KMT2C: variants seen among roughly 807,000 people sequenced by gnomAD.
KMT2C encodes lysine methyltransferase 2C, also known as histone-lysine N-methyltransferase 2C.
KMT2C carries 88 observed loss-of-function variants against 507.9 expected under a neutral mutation model. The ratio of observed to expected loss-of-function variants is 0.17; its 90% CI spans 0.15 to 0.21. The LOEUF (loss-of-function observed/expected upper bound fraction) is 0.21. Among genes scored for constraint, KMT2C ranks in the 10% least tolerant of loss-of-function variants. The pLI is 1.00. For missense variants in KMT2C, 4,954 were observed against 5,957.8 expected (o/e 0.83, Z 5.55); for synonymous variants, 2,049 against 2,080.8 (o/e 0.98, Z 0.42).
At chr7:152,183,562 G>C (rs530916816) in intron 34 of KMT2C, among the ~76,000 whole-genome samples, 5 of 152,078 alleles carry the variant, frequency 3.3e-5, no homozygotes, top group African/African-American at 7.2e-5. Context: ...AGGTGTTTGA[G>C]ATCAGCCTGA....
At chr7:152,169,040 C>A in intron 41 of KMT2C, 146 bp downstream of exon 41, 1 of 517,530 alleles carries the variant, frequency 1.9e-6, no homozygotes, top group Non-Finnish European at 3.5e-6. Context: ...AGAAGAGTTG[C>A]CTAATAGGGC....
chr7:152,299,771 T>C (rs2096550128), intron 6 of KMT2C, among the ~76,000 whole-genome samples: 1 of 151,822 alleles, frequency 6.6e-6, no homozygotes, highest in African/African-American at 2.4e-5. Context: ...AGCAGAGGTT[T>C]TAGACCATAT....
intron 33 of KMT2C, among the ~76,000 whole-genome samples, chr7:152,186,786 T>G (rs2093639937): frequency 6.6e-6 from 1 of 152,200 alleles, no homozygotes; most frequent in African/African-American, 2.4e-5. Flanking sequence ...TAATCAGAAT[T>G]TTCACAAACT....
At chr7:152,398,023 CGT>C (rs758344837) in intron 1 of KMT2C, among the ~76,000 whole-genome samples, 4 of 152,332 alleles carry the variant, frequency 2.6e-5, no homozygotes, top group South Asian at 2.1e-4. Context: ...ACATCATTCA[CGT>C]GTGTTTCAAT....
chr7:152,431,195 A>T (rs1400039584), intron 1 of KMT2C, among the ~76,000 whole-genome samples: 1 of 152,170 alleles, frequency 6.6e-6, no homozygotes, highest in Non-Finnish European at 1.5e-5. Flanking sequence ...TTAGTAACCA[A>T]TATGTAAATT....
At chr7:152,254,151 C>A (rs911222422) in intron 9 of KMT2C, among the ~76,000 whole-genome samples, 1 of 152,032 alleles carries the variant, frequency 6.6e-6, no homozygotes, top group African/African-American at 2.4e-5. Flanking sequence ...CACGGTGGCA[C>A]AGAACTGTGG....
chr7:152,252,475 G>A (rs2095577424), intron 10 of KMT2C, 71 bp downstream of exon 10: 2 of 1,237,258 alleles, frequency 1.6e-6, no homozygotes, highest in South Asian at 1.3e-5. Flanking sequence ...GAAGCTGTAA[G>A]ATGGTAGAGC....
intron 43 of KMT2C, among the ~76,000 whole-genome samples, 189 bp downstream of exon 43, chr7:152,161,928 T>A (rs574185792): frequency 1.3e-5 from 2 of 152,292 alleles, no homozygotes; most frequent in East Asian, 3.9e-4. Context: ...AAACAAATTA[T>A]TATTTAATAT....
At chr7:152,297,614 G>T (rs1465347924) in intron 6 of KMT2C, among the ~76,000 whole-genome samples, 1 of 152,104 alleles carries the variant, frequency 6.6e-6, no homozygotes, top group Non-Finnish European at 1.5e-5. Context: ...CAGTGGTGAG[G>T]AATAATTAGT....
At chr7:152,420,586 C>T (rs908475553) in intron 1 of KMT2C, among the ~76,000 whole-genome samples, 1 of 152,094 alleles carries the variant, frequency 6.6e-6, no homozygotes, top group Admixed American at 6.6e-5. Context: ...CCTGTAATCC[C>T]AGAACTTTGG....
chr7:152,303,862 C>A (rs2096593066), intron 6 of KMT2C, among the ~76,000 whole-genome samples: 1 of 152,100 alleles, frequency 6.6e-6, no homozygotes, highest in African/African-American at 2.4e-5. Context: ...GTGGTCCACG[C>A]CTATGATCTC....
intron 1 of KMT2C, among the ~76,000 whole-genome samples, chr7:152,401,163 G>A (rs933963075): frequency 1.4e-5 from 2 of 147,328 alleles, no homozygotes; most frequent in Non-Finnish European, 3.0e-5. Flanking sequence ...TCGGCTCACT[G>A]CAACCTCCGC....
At chr7:152,294,868 A>G (rs191465579) in intron 6 of KMT2C, among the ~76,000 whole-genome samples, 83 of 152,308 alleles carry the variant, frequency 5.4e-4, no homozygotes, top group Non-Finnish European at 1.0e-3. Context: ...TCTTCCTCAG[A>G]GCATTGACCA....
chr7:152,283,416 A>C (rs918688262), intron 6 of KMT2C, among the ~76,000 whole-genome samples: 5 of 152,150 alleles, frequency 3.3e-5, no homozygotes, highest in African/African-American at 1.2e-4. Context: ...GATACACTTA[A>C]ATCATGTCTT....
At chr7:152,263,488 C>G (rs1003064464) in intron 8 of KMT2C, among the ~76,000 whole-genome samples, 2 of 152,148 alleles carry the variant, frequency 1.3e-5, no homozygotes, top group Non-Finnish European at 2.9e-5. Flanking sequence ...AATCTTGGCA[C>G]AGCGAATTGA....
chr7:152,346,755 T>G (rs2097061346), intron 2 of KMT2C, among the ~76,000 whole-genome samples: 3 of 152,168 alleles, frequency 2.0e-5, no homozygotes, highest in Admixed American at 1.3e-4. Flanking sequence ...ACATAAACAG[T>G]AGATTAACAA....
chr7:152,420,236 G>GA (rs2097769525), intron 1 of KMT2C, among the ~76,000 whole-genome samples: 1 of 152,178 alleles, frequency 6.6e-6, no homozygotes, highest in South Asian at 2.1e-4. Flanking sequence ...AATGTACTTT[G>GA]AAAGGAAGAG....
intron 31 of KMT2C, among the ~76,000 whole-genome samples, chr7:152,188,914 A>T (rs1388928293): frequency 6.6e-6 from 1 of 152,088 alleles, no homozygotes; most frequent in Non-Finnish European, 1.5e-5. Context: ...CACCCCACCT[A>T]TGATTCTTAA....
At chr7:152,158,125 G>T (rs898030019) in intron 44 of KMT2C, among the ~76,000 whole-genome samples, 2 of 152,194 alleles carry the variant, frequency 1.3e-5, no homozygotes, top group African/African-American at 4.8e-5. Context: ...CTAAATGAAT[G>T]CTGCCAGGCA....
Sources: allele counts gnomAD v4.1 joint callset (sites outside exome capture counted in the v4.1 genomes callset), GRCh38; gene constraint gnomAD v4.1.1; transcripts MANE v1.5; gene names NCBI Gene and HGNC (gene_info 2026-07-23, HGNC 2026-07-21).